The following SCAND3 variants were observed in gnomAD, a reference collection of about 807,000 sequenced individuals.
The protein encoded by SCAND3 is SCAN domain-containing protein 3.
At chr6:28,588,364 A>C in the SCAND3 span, among the ~76,000 whole-genome samples, 1 of 152,232 alleles carries the variant, frequency 6.6e-6, no homozygotes, top group South Asian at 2.1e-4. This position sits in a 1 kb window ranked among gnomAD's most constrained non-coding sequence, Gnocchi z 4.1. Flanking sequence ...GTAGGCAGTT[A>C]ACATGGAGTA....
the SCAND3 span, among the ~76,000 whole-genome samples, chr6:28,600,943 C>A: frequency 7.1e-6 from 1 of 140,020 alleles, no homozygotes; most frequent in Non-Finnish European, 1.5e-5. Context: ...ACTCTGTCGT[C>A]CAGGCTGGAG....
At chr6:28,603,912 A>G in the SCAND3 span, among the ~76,000 whole-genome samples, 43 of 152,252 alleles carry the variant, frequency 2.8e-4, no homozygotes, top group Non-Finnish European at 5.1e-4. Context: ...GATGTCTGAT[A>G]CTTGGCAAGG....
chr6:28,573,557 G>A, the SCAND3 span: 48 of 1,612,928 alleles, frequency 3.0e-5, no homozygotes, highest in East Asian at 8.9e-5. Flanking sequence ...TATAAATGTC[G>A]CTTAAGTTTT....
chr6:28,612,704 A>G, the SCAND3 span, among the ~76,000 whole-genome samples: 1 of 152,374 alleles, frequency 6.6e-6, no homozygotes, highest in East Asian at 1.9e-4. Context: ...GAAAGCCTAG[A>G]TGTTTCAATT....
chr6:28,576,234 G>A, the SCAND3 span: 2 of 893,534 alleles, frequency 2.2e-6, no homozygotes, highest in Middle Eastern at 7.0e-4. Flanking sequence ...GTAGAAGTAG[G>A]GAATATGGAC....
chr6:28,583,251 C>T, the SCAND3 span, among the ~76,000 whole-genome samples: 2 of 151,824 alleles, frequency 1.3e-5, no homozygotes, highest in African/African-American at 2.4e-5. Flanking sequence ...GGCGTGGTGG[C>T]GGGCGCCTGT....
the SCAND3 span, among the ~76,000 whole-genome samples, chr6:28,607,159 GGTGTAGCTCAGTGGTAGAGCGC>G: frequency 1.3e-5 from 2 of 152,174 alleles, no homozygotes; most frequent in Non-Finnish European, 2.9e-5. Context: ...TGTGGTTGGG[GGTGTAGCTCAGTGGTAGAGCGC>G]GTGCTTAGCA....
the SCAND3 span, among the ~76,000 whole-genome samples, chr6:28,596,089 G>A: frequency 2.6e-5 from 4 of 152,134 alleles, no homozygotes; most frequent in East Asian, 7.7e-4. Context: ...CTAAGACACA[G>A]CAAACTCACT....
At chr6:28,603,432 C>G in the SCAND3 span, among the ~76,000 whole-genome samples, 1 of 152,100 alleles carries the variant, frequency 6.6e-6, no homozygotes, top group East Asian at 1.9e-4. Context: ...TCTTTCTTTG[C>G]AGAAATCTAT....
chr6:28,572,765 A>G, the SCAND3 span: 1 of 1,613,942 alleles, frequency 6.2e-7, no homozygotes, highest in East Asian at 2.2e-5. The surrounding 1 kb of genome is among the most constrained non-coding windows in gnomAD (Gnocchi z 4.1). Context: ...TTATCACATA[A>G]TAAAGAGAAT....
At chr6:28,600,016 C>A in the SCAND3 span, among the ~76,000 whole-genome samples, 3 of 151,008 alleles carry the variant, frequency 2.0e-5, no homozygotes, top group Non-Finnish European at 4.4e-5. Flanking sequence ...AAATGTAAAA[C>A]ACAAAACTAT....
At chr6:28,579,226 A>C in the SCAND3 span, 1 of 1,568,348 alleles carries the variant, frequency 6.4e-7, no homozygotes, top group Non-Finnish European at 8.7e-7. The surrounding 1 kb of genome is among the most constrained non-coding windows in gnomAD (Gnocchi z 4.5). Flanking sequence ...TAGACCCTTC[A>C]TTCTCCCAAG....
chr6:28,595,597 C>T, the SCAND3 span, among the ~76,000 whole-genome samples: 3 of 151,918 alleles, frequency 2.0e-5, no homozygotes, highest in Non-Finnish European at 4.4e-5. Flanking sequence ...TGGCACGTGC[C>T]TGTAGTCCCC....
chr6:28,574,637 A>G, the SCAND3 span: 17 of 1,608,082 alleles, frequency 1.1e-5, no homozygotes, highest in African/African-American at 1.1e-4. Context: ...CAGATATTCA[A>G]TCTTACCCAG....
the SCAND3 span, among the ~76,000 whole-genome samples, chr6:28,597,059 T>C: frequency 1.3e-5 from 2 of 152,198 alleles, no homozygotes; most frequent in Non-Finnish European, 2.9e-5. Flanking sequence ...CACATATATT[T>C]CTTGCCCTTA....
the SCAND3 span, chr6:28,585,058 T>C: frequency 1.3e-5 from 2 of 152,264 alleles, no homozygotes; most frequent in African/African-American, 2.4e-5. Context: ...TTCCAACAGA[T>C]TTCATAACAC....
chr6:28,575,685 T>C, the SCAND3 span: 1 of 1,614,172 alleles, frequency 6.2e-7, no homozygotes, highest in Non-Finnish European at 8.5e-7. This position sits in a 1 kb window ranked among gnomAD's most constrained non-coding sequence, Gnocchi z 4.2. Context: ...GCATTATAAC[T>C]TCTTTTGTGA....
At chr6:28,608,070 G>A in the SCAND3 span, among the ~76,000 whole-genome samples, 2 of 152,100 alleles carry the variant, frequency 1.3e-5, no homozygotes. Context: ...TAAACACTGC[G>A]TTCAAGGAGA....
chr6:28,576,543 C>T, the SCAND3 span, among the ~76,000 whole-genome samples: 3 of 152,010 alleles, frequency 2.0e-5, no homozygotes, highest in Non-Finnish European at 2.9e-5. Context: ...GGATTACAGG[C>T]GTGAGTTACT....
Sources: gnomAD v4.1 joint callset for allele counts (sites outside exome capture counted in the v4.1 genomes callset) on GRCh38, gnomAD v4.1.1 for gene constraint, Gnocchi (gnomAD v3.1) non-coding constraint, MANE v1.5 for transcripts, NCBI Gene and HGNC (gene_info 2026-07-23, HGNC 2026-07-21) for gene names.